Variants in AGBL1 observed in about 807,000 individuals in gnomAD.
The protein encoded by AGBL1 is cytosolic carboxypeptidase 4.
AGBL1 carries 130 observed loss-of-function variants against 118.9 expected under a neutral mutation model. The ratio of observed to expected loss-of-function variants is 1.09; its 90% CI spans 0.95 to 1.26. The LOEUF (loss-of-function observed/expected upper bound fraction) is 1.26, where lower values mean the gene tolerates loss of function less well. Ranked by LOEUF, AGBL1 falls within the 50% of genes most tolerant of loss-of-function variation. The pLI is 0.00. For missense variants in AGBL1, 1,584 were observed against 1,298.1 expected (o/e 1.22, Z -3.38); for synonymous variants, 555 against 478.9 (o/e 1.16, Z -2.08).
intron 22 of AGBL1, among the ~76,000 whole-genome samples, chr15:86,768,398 C>G (rs2078126708): frequency 6.6e-6 from 1 of 151,998 alleles, no homozygotes; most frequent in Admixed American, 6.6e-5. Context: ...TCCACCCAGT[C>G]TTTGATTCCC....
intron 5 of AGBL1, among the ~76,000 whole-genome samples, chr15:86,184,425 T>TTTTC (rs1166920272): frequency 3.3e-5 from 5 of 149,690 alleles, no homozygotes; most frequent in Admixed American, 1.3e-4. Flanking sequence ...CTTATTTCTT[T>TTTTC]TTTCTTTCTT....
At chr15:86,293,428 T>G (rs1294824903) in intron 16 of AGBL1, among the ~76,000 whole-genome samples, 1 of 152,184 alleles carries the variant, frequency 6.6e-6, no homozygotes, top group Admixed American at 6.5e-5. Context: ...TTTCTCCATC[T>G]TCAAAGCCAG....
At chr15:86,310,051 G>A (rs1372605413) in intron 17 of AGBL1, among the ~76,000 whole-genome samples, 1 of 152,172 alleles carries the variant, frequency 6.6e-6, no homozygotes, top group Non-Finnish European at 1.5e-5. Flanking sequence ...GAAGCCATCA[G>A]ATCCTGAGCT....
At chr15:86,347,881 C>T (rs1222538555) in intron 17 of AGBL1, among the ~76,000 whole-genome samples, 3 of 152,210 alleles carry the variant, frequency 2.0e-5, no homozygotes, top group Non-Finnish European at 2.9e-5. Context: ...CATTGTCATG[C>T]TACTTAACCT....
intron 17 of AGBL1, among the ~76,000 whole-genome samples, chr15:86,338,074 G>A (rs140591657): frequency 1.8e-4 from 27 of 152,186 alleles, no homozygotes; most frequent in Admixed American, 5.2e-4. Flanking sequence ...TAATTGAAAT[G>A]GTTCTAAAGG....
chr15:86,812,485 G>A (rs1214271121), intron 22 of AGBL1, among the ~76,000 whole-genome samples: 2 of 152,184 alleles, frequency 1.3e-5, no homozygotes, highest in Non-Finnish European at 2.9e-5. Context: ...CAGAAAAACA[G>A]TTTTGATGCT....
chr15:86,489,051 T>C (rs936705469), intron 18 of AGBL1, among the ~76,000 whole-genome samples: 7 of 152,106 alleles, frequency 4.6e-5, no homozygotes, highest in South Asian at 2.1e-4. Flanking sequence ...GACTAACTAG[T>C]CTTCATAGCA....
chr15:86,141,629 C>T (rs1428941630), intron 1 of AGBL1, among the ~76,000 whole-genome samples: 3 of 152,150 alleles, frequency 2.0e-5, no homozygotes, highest in Non-Finnish European at 4.4e-5. Context: ...CCCGCCTGGG[C>T]AACAGAGCAA....
intron 5 of AGBL1, among the ~76,000 whole-genome samples, chr15:86,159,507 A>G (rs1399120695): frequency 1.3e-5 from 2 of 152,172 alleles, no homozygotes; most frequent in South Asian, 4.1e-4. Flanking sequence ...TCTGGGCCTT[A>G]TAATAGTCCA....
chr15:86,228,315 T>G (rs2078399998), intron 6 of AGBL1, among the ~76,000 whole-genome samples: 1 of 152,148 alleles, frequency 6.6e-6, no homozygotes, highest in Non-Finnish European at 1.5e-5. Flanking sequence ...CTGGGAACGT[T>G]TATGTAAACC....
At chr15:86,493,761 A>G (rs2082812734) in intron 18 of AGBL1, among the ~76,000 whole-genome samples, 1 of 152,066 alleles carries the variant, frequency 6.6e-6, no homozygotes, top group East Asian at 1.9e-4. Context: ...ATCTCTAAAC[A>G]TCATCGACTC....
At chr15:86,991,777 T>A (rs1392459824) in intron 24 of AGBL1, among the ~76,000 whole-genome samples, 1 of 152,118 alleles carries the variant, frequency 6.6e-6, no homozygotes, top group Non-Finnish European at 1.5e-5. Context: ...TTCTGGTCAA[T>A]AGAAATTCCC....
At position 86,989,027 on chromosome 15, in the gene AGBL1, A is replaced by G. The variant is rs188394125; in HGVS notation, c.3323+939A>G. Among the ~76,000 whole-genome samples, 614 of 128,298 alleles carry G rather than the reference A, an allele frequency of 4.8e-3. 6 individuals are homozygous for G. The highest frequency in any genetic ancestry group is 0.018 in the African/African-American group (590 of 33,184). 84.2% of individuals were successfully genotyped at this position (128,298 alleles called of 152,430 possible). On this transcript the variant is annotated intron_variant, in intron 24 of 24. Coordinates refer to the AGBL1 transcript ENST00000441037. ...TTTTTTTTTTTTTTTTAAGAGTCAG[A>G]GTCTTGCTCTATTGCCCAGGCTGGA...
intron 22 of AGBL1, among the ~76,000 whole-genome samples, chr15:86,728,208 C>A (rs914051199): frequency 6.6e-6 from 1 of 152,164 alleles, no homozygotes; most frequent in African/African-American, 2.4e-5. Context: ...AGTAACCGTA[C>A]CACAGTTACC....
At chr15:86,374,999 G>C (rs181512543) in intron 17 of AGBL1, among the ~76,000 whole-genome samples, 8 of 152,258 alleles carry the variant, frequency 5.3e-5, no homozygotes, top group Admixed American at 3.3e-4. Context: ...TTGTTGTCTG[G>C]TCCTAAAGCT....
intron 23 of AGBL1, among the ~76,000 whole-genome samples, chr15:86,945,341 T>C (rs2080806122): frequency 6.6e-6 from 1 of 151,776 alleles, no homozygotes; most frequent in Non-Finnish European, 1.5e-5. Flanking sequence ...GTTTACAGAT[T>C]TATTTCCATT....
At chr15:86,333,196 T>G (rs1028972727) in intron 17 of AGBL1, among the ~76,000 whole-genome samples, 4 of 152,146 alleles carry the variant, frequency 2.6e-5, no homozygotes, top group Non-Finnish European at 4.4e-5. Flanking sequence ...AGAAAAGAAC[T>G]GAACAAAATT....
intron 22 of AGBL1, among the ~76,000 whole-genome samples, chr15:86,721,389 A>G (rs1273572497): frequency 6.6e-6 from 1 of 152,236 alleles, no homozygotes; most frequent in Admixed American, 6.5e-5. Flanking sequence ...ACAGAACCAA[A>G]GACAAAAACC....
At position 86,759,314 on chromosome 15, in the gene AGBL1, T is replaced by C. The variant is rs576414306; in HGVS notation, c.3158+84878T>C. On this transcript the variant is annotated intron_variant, in intron 22 of 22. Coordinates refer to ENST00000614907, the MANE Select transcript of AGBL1 (RefSeq NM_001386094.1). ...AGTTCTAGCATGAGACTTTTTTAGA[T>C]AAAATTCTGCTTAATAGGCATGTGA... is the stretch of plus-strand genomic sequence containing the variant. Among the ~76,000 whole-genome samples, 5 of 152,254 alleles carry C rather than the reference T, an allele frequency of 3.3e-5. No individual in the cohort carries two copies. The South Asian group carries it at 1.0e-3, about 32-fold the overall frequency.
Sources: gnomAD v4.1 joint callset for allele counts (sites outside exome capture counted in the v4.1 genomes callset) on GRCh38, gnomAD v4.1.1 for gene constraint, MANE v1.5 for transcripts, NCBI Gene and HGNC (gene_info 2026-07-23, HGNC 2026-07-21) for gene names.